The following METTL5 variants were observed in gnomAD, a reference collection of about 807,000 sequenced individuals.
METTL5 encodes methyltransferase 5, N6-adenosine, also known as rRNA N(6)-adenosine-methyltransferase METTL5.
A neutral mutation model predicts 26.5 loss-of-function variants in METTL5; 28 were observed. The observed-to-expected ratio is 1.06, with a 90% CI of 0.78 to 1.45. METTL5 has a LOEUF of 1.45. Ranked by LOEUF, METTL5 falls within the 40% of genes most tolerant of loss-of-function variation. METTL5 has a pLI of 0.00. For missense variants in METTL5, 231 were observed against 249.9 expected, an observed-to-expected ratio of 0.92 and a Z score of 0.51; for synonymous variants, 86 against 82.6, an observed-to-expected ratio of 1.04 and a Z score of -0.22.
chr2:169,813,997 T>A (rs1690066081), intron 5 of METTL5, among the ~76,000 whole-genome samples: 1 of 152,186 alleles, frequency 6.6e-6, no homozygotes, highest in Admixed American at 6.5e-5. Flanking sequence ...GTTAGTTTAT[T>A]ATTGTGAAAA....
At chr2:169,820,314 A>C (rs1299939513) in intron 3 of METTL5, among the ~76,000 whole-genome samples, 1 of 152,186 alleles carries the variant, frequency 6.6e-6, no homozygotes, top group Non-Finnish European at 1.5e-5. Flanking sequence ...CCCACAGTAC[A>C]CACAAAATTA....
chr2:169,821,718 G>A (rs1056583248), intron 2 of METTL5, among the ~76,000 whole-genome samples: 1 of 152,070 alleles, frequency 6.6e-6, no homozygotes, highest in African/African-American at 2.4e-5. Context: ...AACCCGGCAG[G>A]GGTTGGAAAC....
rs777036560 is a variant in METTL5 at position 169,821,260 on chromosome 2, A to T, written c.238T>A (p.Phe80Ile). The change falls in exon 3 of 7, where the codon TTT (phenylalanine) becomes ATT (isoleucine). Residue 80 changes from phenylalanine (F) to isoleucine (I), a missense_variant. Phe to Ile is a conservative substitution (Grantham distance 21, BLOSUM62 0). Transcript: ENST00000260953. ...AMLGAGLCVG[F>I]DIDEDALEIF... ...TCCAATGCGTCTTCATCTATGTCAA[A>T]TCCAACACACAACCTATAAATACAA... 5.6e-6 allele frequency: 9 copies of T among 1,606,322 alleles called. No homozygotes were observed. Among genetic ancestry groups the T allele is most frequent in the Non-Finnish European group, 7.6e-6 (9 of 1,177,368 alleles).
rs769705929 is a variant in METTL5, at chr2:169,821,083, G to A, written c.406+9C>T. ...AAATATACCAATATACCCGATTCTT[G>A]TTACAAACCTTTATTATTTTTGGTC... On this transcript the variant is annotated intron_variant, in intron 3 of 6. Transcript: ENST00000260953. 6.4e-7 allele frequency: 1 copy of A among 1,568,112 alleles called. No individual in the cohort carries two copies. The highest frequency in any genetic ancestry group is 1.4e-5 in the African/African-American group (1 of 72,286).
At chr2:169,823,453 A>C (rs2081610830) in intron 1 of METTL5, among the ~76,000 whole-genome samples, 1 of 152,158 alleles carries the variant, frequency 6.6e-6, no homozygotes, top group East Asian at 1.9e-4. Flanking sequence ...ATTCTCCTTG[A>C]CTTTCATTGA....
chr2:169,813,094 C>G (rs1292533333), intron 5 of METTL5: 1 of 147,212 alleles, frequency 6.8e-6, no homozygotes, highest in Non-Finnish European at 1.5e-5. Context: ...AATGCAGATT[C>G]TAGTTCAGTA....
Position 169,819,577 on chromosome 2 carries a change from T to C in METTL5, c.473A>G (p.Lys158Arg), listed in dbSNP as rs1383652382. ...MARTAVYSLH[K>R]SSTREHVQKK... is the part of the protein sequence containing the mutation. ...TGAACTTACTTCTCTAGTTGAGGAT[T>C]TGTGTAAGGAATATACTGCTGTTCT... Residue 158 changes from lysine (K) to arginine (R), a missense_variant, in exon 4 of 7, where the codon AAA becomes AGA. Coordinates refer to ENST00000260953, the MANE Select transcript of METTL5 (RefSeq NM_014168.4). The C allele has an allele frequency of 6.2e-7, 1 of 1,611,564 alleles. No individual in the cohort carries two copies. Among genetic ancestry groups the C allele is most frequent in the Non-Finnish European group, 8.5e-7 (1 of 1,178,160 alleles).
chr2:169,818,565 G>A (rs1451932133), intron 4 of METTL5, among the ~76,000 whole-genome samples: 1 of 152,100 alleles, frequency 6.6e-6, no homozygotes, highest in Non-Finnish European at 1.5e-5. Context: ...TTGCCTACAT[G>A]TACCACTACT....
intron 5 of METTL5, 132 bp downstream of exon 5, chr2:169,815,345 C>G (rs1415785709): frequency 1.9e-5 from 12 of 620,052 alleles, no homozygotes; most frequent in African/African-American, 3.7e-5. Context: ...ACTCCATTTC[C>G]AATCTATTAC....
Position 169,824,570 on chromosome 2 carries a change from C to G in METTL5, c.28G>C (p.Glu10Gln), listed in dbSNP as rs751661080. Residue 10 changes from glutamate to glutamine, a missense_variant, in exon 1 of 7, where the codon GAG becomes CAG. Transcript: ENST00000260953. MKKVRLKEL[E>Q]SRLQQVDGFE... ...CCATCCACTTGTTGCAGGCGACTCT[C>G]TAGTTCCTTAAGCCTTACTTTCTTC... The G allele has an allele frequency of 8.7e-6, 14 of 1,614,164 alleles. No homozygotes were observed. The South Asian group carries it at 1.3e-4, about 15-fold the overall frequency.
In METTL5 at chr2:169,824,828, C is replaced by T; in HGVS notation, c.-231G>A. The T allele has an allele frequency of 2.3e-6, 1 of 431,642 alleles. No homozygotes were observed. Among genetic ancestry groups the T allele is most frequent in the Non-Finnish European group, 4.3e-6 (1 of 234,582 alleles). 26.7% of individuals were successfully genotyped at this position (431,642 alleles called of 1,614,324 possible). ...CCCAGGAGACGGCGGCGGCGCACTG[C>T]TGGAGCAGCCTCAGGATCCCTCGCG... On this transcript the variant is annotated 5_prime_UTR_variant, in exon 1 of 7. Coordinates refer to ENST00000260953, the MANE Select transcript of METTL5 (RefSeq NM_014168.4).
At chr2:169,811,992 T>C in intron 6 of METTL5, 134 bp from the exon 7 acceptor site, 1 of 1,044,170 alleles carries the variant, frequency 9.6e-7, no homozygotes, top group African/African-American at 1.6e-5. Context: ...TTCCATTAAA[T>C]TGCCTTTGTA....
chr2:169,821,803 C>T, intron 2 of METTL5, 140 bp downstream of exon 2: 3 of 648,786 alleles, frequency 4.6e-6, no homozygotes, highest in East Asian at 2.7e-5. Context: ...ATCTTCTGCC[C>T]ATTCAAAATG....
rs373745484 is a variant in METTL5 at position 169,822,066 on chromosome 2, TAAA to T, written c.110-12_110-10del. 4 of 1,185,940 alleles carry T rather than the reference TAAA, an allele frequency of 3.4e-6. No individual in the cohort carries two copies. The highest frequency in any genetic ancestry group is 4.5e-6 in the Non-Finnish European group (4 of 879,302). 73.5% of individuals were successfully genotyped at this position (1,185,940 alleles called of 1,614,324 possible). A position where few individuals can be genotyped will look rare whatever the true frequency, so the allele number is the denominator to read the frequency against. On this transcript the variant is annotated splice_polypyrimidine_tract_variant and intron_variant, in intron 1 of 6. Coordinates refer to ENST00000260953, the MANE Select transcript of METTL5 (RefSeq NM_014168.4). The stretch of plus-strand genomic sequence containing the variant: ...TGTATAGAGCATACATGCTAAAAAA[TAAA>T]AAAAAAAAGAATAAGTAAGCAAGCC...
rs762161702 is a variant in METTL5, at chr2:169,821,271, A to C, written c.227T>G (p.Leu76Trp). Residue 76 changes from leucine (L) to tryptophan (W), a missense_variant and splice_region_variant, in exon 3 of 7, where the codon TTG becomes TGG. Physicochemically the swap from Leu to Trp is moderately conservative, Grantham distance 61. Transcript: ENST00000260953. ...SIGTAMLGAGLCVGFDIDEDA... is the reference protein window; with the variant it reads ...SIGTAMLGAGWCVGFDIDEDA... ...TTCATCTATGTCAAATCCAACACAC[A>C]ACCTATAAATACAAAACACATACAA... 2 of 1,600,976 alleles carry C rather than the reference A, an allele frequency of 1.2e-6. No homozygotes were observed. Among genetic ancestry groups the C allele is most frequent in the Admixed American group, 3.5e-5 (2 of 57,390 alleles).
chr2:169,821,146 T>C lies in METTL5; in HGVS notation c.352A>G (p.Lys118Glu), dbSNP rs750850852. The C allele has an allele frequency of 3.8e-5, 61 of 1,611,460 alleles. No homozygotes were observed. The highest frequency in any genetic ancestry group is 5.1e-5 in the Non-Finnish European group (60 of 1,179,110). ...TTCATAATTACTGTATCGAATGACTTGGACATTCTGTTAGATAATAAGCAC... is the reference window on the plus strand; with the variant it reads ...TTCATAATTACTGTATCGAATGACTCGGACATTCTGTTAGATAATAAGCAC... ...DVCLLSNRMSKSFDTVIMNPP... is the reference protein window; with the variant it reads ...DVCLLSNRMSESFDTVIMNPP... The change falls in exon 3 of 7, where the codon AAG becomes GAG. Residue 118 changes from lysine (K) to glutamate (E), a missense_variant. Transcript: ENST00000260953.
chr2:169,824,686 C>G lies in METTL5; in HGVS notation c.-89G>C, dbSNP rs533925208. ...CTGGGATCTTGTTTCCTCCCTACCC[C>G]CAACCTTCTCCCTTTTTCAGCACCG... On this transcript the variant is annotated 5_prime_UTR_variant, in exon 1 of 7. Coordinates refer to ENST00000260953, the MANE Select transcript of METTL5 (RefSeq NM_014168.4). 2,016 of 1,055,986 alleles carry G rather than the reference C, an allele frequency of 1.9e-3. 2 individuals carry two copies. Among genetic ancestry groups the G allele is most frequent in the Non-Finnish European group, 2.5e-3 (1,728 of 679,036 alleles). 65.4% of individuals were successfully genotyped at this position (1,055,986 alleles called of 1,614,324 possible). A position where few individuals can be genotyped will look rare whatever the true frequency, so the allele number is the denominator to read the frequency against.
At position 169,819,951 on chromosome 2, in the gene METTL5, C is replaced by G. The variant is rs950427118; in HGVS notation, c.407-308G>C. Among the ~76,000 whole-genome samples the G allele has an allele frequency of 3.6e-5, 5 of 139,898 alleles. No individual in the cohort carries two copies. The Admixed American group carries it at 4.0e-4, about 11-fold the overall frequency. 91.8% of individuals were successfully genotyped at this position (139,898 alleles called of 152,430 possible). ...GAATCATCTTGGTGGGGGCAGGGTA[C>G]TTTTTAAACTATGCATGTCTTTTTT... On this transcript the variant is annotated intron_variant, in intron 3 of 6. Coordinates refer to ENST00000260953, the MANE Select transcript of METTL5 (RefSeq NM_014168.4).
intron 5 of METTL5, among the ~76,000 whole-genome samples, chr2:169,814,021 A>G (rs778011328): frequency 3.3e-5 from 5 of 152,118 alleles, no homozygotes; most frequent in Non-Finnish European, 7.4e-5. Flanking sequence ...ATGTTCCCTT[A>G]TTGCACTCTT....
Sources: allele counts gnomAD v4.1 joint callset (sites outside exome capture counted in the v4.1 genomes callset), GRCh38; gene constraint gnomAD v4.1.1; transcripts MANE v1.5; gene names NCBI Gene and HGNC (gene_info 2026-07-23, HGNC 2026-07-21).